The following DNAAF1 variants were observed in gnomAD, a reference collection of about 807,000 sequenced individuals.
DNAAF1 encodes dynein assembly factor 1, axonemal.
Under a neutral mutation model 71.1 loss-of-function variants are expected in DNAAF1, and 65 were observed. That is an observed-to-expected ratio of 0.91 (90% CI 0.75 to 1.12). The LOEUF (loss-of-function observed/expected upper bound fraction) is 1.12, where lower values mean the gene tolerates loss of function less well. DNAAF1 is among the 50% of genes most tolerant of loss of function. The pLI, the probability that DNAAF1 is intolerant of heterozygous loss-of-function variation, is 0.00. For missense variants in DNAAF1, 1,178 were observed against 899.8 expected (o/e 1.31, Z -3.96); for synonymous variants, 414 against 354.6 (o/e 1.17, Z -1.88).
chr16:84,173,066 C>T (rs896159753), intron 9 of DNAAF1: 2 of 988,246 alleles, frequency 2.0e-6, no homozygotes, highest in African/African-American at 3.5e-5. Flanking sequence ...TACCTCTGAC[C>T]TTATACCTTG....
intron 6 of DNAAF1, among the ~76,000 whole-genome samples, 197 bp downstream of exon 6, chr16:84,159,993 T>C (rs141259145): frequency 1.6e-3 from 246 of 152,320 alleles, no homozygotes; most frequent in East Asian, 3.7e-3. Flanking sequence ...ATTCCTTTGA[T>C]AAATATCTTT....
intron 11 of DNAAF1, 106 bp downstream of exon 11, chr16:84,176,405 T>C (rs113237545): frequency 6.5e-7 from 1 of 1,543,820 alleles, no homozygotes; most frequent in Admixed American, 1.7e-5. Flanking sequence ...TTCATGTTGC[T>C]GGAGGGGTCA....
rs1427699337 is a variant in DNAAF1 at position 84,145,332 on chromosome 16, G to A, written c.-109G>A. The A allele has an allele frequency of 6.6e-7, 1 of 1,519,010 alleles. No individual in the cohort carries two copies. Among genetic ancestry groups the A allele is most frequent in the African/African-American group, 1.4e-5 (1 of 72,428 alleles). The allele number at this position is 1,519,010 out of a possible 1,614,324, so 94.1% of individuals were successfully genotyped here. On this transcript the variant is annotated 5_prime_UTR_variant, in exon 1 of 12. Coordinates refer to ENST00000378553, the MANE Select transcript of DNAAF1 (RefSeq NM_178452.6). ...TGTAAAGACTAGGGCGCCAGCGGCT[G>A]GCGAAGAAGGAAAGAGGGTACTCTC... is the stretch of plus-strand genomic sequence containing the variant.
intron 9 of DNAAF1, chr16:84,172,741 T>C: frequency 8.6e-7 from 1 of 1,163,546 alleles, no homozygotes; most frequent in Non-Finnish European, 1.1e-6. Context: ...TGGTGAGAGT[T>C]ACATTGTATC....
intron 11 of DNAAF1, chr16:84,177,043 C>T (rs2088730701): frequency 2.4e-5 from 4 of 168,212 alleles, no homozygotes; most frequent in African/African-American, 4.8e-5. Context: ...TGTGTGGAGC[C>T]CAGACCGTGC....
At chr16:84,166,037 A>ATTT (rs58906103) in intron 7 of DNAAF1, 88 bp downstream of exon 7, 276 of 1,085,938 alleles carry the variant, frequency 2.5e-4, no homozygotes, top group Non-Finnish European at 3.1e-4. Flanking sequence ...AATCTTGGGA[A>ATTT]TTTTTTTTTT....
At chr16:84,158,446 A>G (rs1412558021) in intron 5 of DNAAF1, among the ~76,000 whole-genome samples, 1 of 152,146 alleles carries the variant, frequency 6.6e-6, no homozygotes, top group Non-Finnish European at 1.5e-5. Flanking sequence ...TAATGGGCTC[A>G]TTTCAACTTC....
At chr16:84,148,912 T>C in intron 1 of DNAAF1, 95 bp from the exon 2 acceptor site, 9 of 1,406,928 alleles carry the variant, frequency 6.4e-6, no homozygotes, top group Non-Finnish European at 8.0e-6. Context: ...TGGTGTTCTA[T>C]ACTAAAAGTG....
At chr16:84,157,471 A>G (rs1567544883) in intron 5 of DNAAF1, among the ~76,000 whole-genome samples, 1 of 147,206 alleles carries the variant, frequency 6.8e-6, no homozygotes, top group African/African-American at 2.5e-5. Context: ...GTGAGCCGAG[A>G]TCTCACCACT....
At position 84,165,932 on chromosome 16, in the gene DNAAF1, G is replaced by A; in HGVS notation, c.1013G>A (p.Arg338Lys). The A allele has an allele frequency of 6.2e-7, 1 of 1,613,120 alleles. No individual in the cohort carries two copies. The highest frequency in any genetic ancestry group is 8.5e-7 in the Non-Finnish European group (1 of 1,179,788). The change falls in exon 7 of 12, where the codon AGA becomes AAA. Residue 338 changes from arginine (R) to lysine (K), a missense_variant. By Grantham distance (26) the Arg-to-Lys change is conservative. Transcript: ENST00000378553. Reference sequence around the variant, plus strand: ...CGGGCAGAGGAGAGGAAAAGACAGAGAGAGAGTCAAGAGAGAGGTATGCGC... The same window carrying A: ...CGGGCAGAGGAGAGGAAAAGACAGAAAGAGAGTCAAGAGAGAGGTATGCGC... The part of the protein sequence containing the change: ...KQRAEERKRQ[R>K]ESQERGEMTS...
intron 10 of DNAAF1, 139 bp from the exon 11 acceptor site, chr16:84,175,794 T>A: frequency 9.1e-7 from 1 of 1,104,240 alleles, no homozygotes; most frequent in Non-Finnish European, 1.3e-6. Flanking sequence ...CAGAGTCCTG[T>A]GTTCCCTTGG....
chr16:84,145,929 C>G (rs1409444455), intron 1 of DNAAF1, among the ~76,000 whole-genome samples: 3 of 152,022 alleles, frequency 2.0e-5, no homozygotes, highest in South Asian at 4.2e-4. Flanking sequence ...AACCCTGTCT[C>G]TACTAAAAAT....
chr16:84,159,405 G>A (rs2087595830), intron 5 of DNAAF1, among the ~76,000 whole-genome samples: 2 of 152,180 alleles, frequency 1.3e-5, no homozygotes, highest in Non-Finnish European at 2.9e-5. Context: ...CTCAGGAAAT[G>A]TTTTCCAGTA....
chr16:84,149,772 C>A (rs1299724479), intron 2 of DNAAF1, among the ~76,000 whole-genome samples: 1 of 151,264 alleles, frequency 6.6e-6, no homozygotes, highest in Non-Finnish European at 1.5e-5. Context: ...TGCCTGTAAT[C>A]CCAGTACTTT....
At chr16:84,174,248 TACAAA>T (rs2088536469) in intron 9 of DNAAF1, 1 of 1,072,828 alleles carries the variant, frequency 9.3e-7, no homozygotes, top group African/African-American at 1.7e-5. Flanking sequence ...ACACCCACAA[TACAAA>T]ACAAAAAAGT....
At chr16:84,163,882 C>T (rs1182297609) in intron 6 of DNAAF1, among the ~76,000 whole-genome samples, 1 of 143,722 alleles carries the variant, frequency 7.0e-6, no homozygotes, top group African/African-American at 2.6e-5. Flanking sequence ...TTGTGGGGGA[C>T]AGCGTTTTGC....
chr16:84,176,334 A>G, intron 11 of DNAAF1, 35 bp downstream of exon 11: 1 of 1,612,334 alleles, frequency 6.2e-7, no homozygotes, highest in Non-Finnish European at 8.5e-7. Context: ...AGTGGAGACA[A>G]TGTTGGCTCC....
rs762242692 is a variant in DNAAF1 at position 84,175,973 on chromosome 16, G to A, written c.1739G>A (p.Ser580Asn). The change falls in exon 11 of 12, where the codon AGT becomes AAT. Residue 580 changes from serine to asparagine, a missense_variant. By Grantham distance (46) the Ser-to-Asn change is conservative. Coordinates refer to ENST00000378553, the MANE Select transcript of DNAAF1 (RefSeq NM_178452.6). ...AAGATTGAGGTCATCTCGAGCTTGA[G>A]TGATGACAGTGACCCTGAACTGGAC... ...FPKIEVISSL[S>N]DDSDPELDYT... 6.2e-7 allele frequency: 1 copy of A among 1,614,206 alleles called. No homozygotes were observed. The highest frequency in any genetic ancestry group is 1.7e-5 in the Admixed American group (1 of 60,028).
Position 84,145,524 on chromosome 16 carries a change from G to A in DNAAF1, c.84G>A (p.Ala28=), listed in dbSNP as rs1470468300. 2 of 1,555,290 alleles carry A rather than the reference G, an allele frequency of 1.3e-6. No individual in the cohort carries two copies. Among genetic ancestry groups the A allele is most frequent in the Non-Finnish European group, 1.7e-6 (2 of 1,149,456 alleles). ...CAQEPGVEES[A]GDHGSAGRGG... is the part of the protein sequence containing the mutation. ...AGGAGCCCGGCGTGGAGGAGTCTGC[G>A]GGTGACCACGGGAGCGCAGGCCGAG... Residue 28 remains alanine (A), a synonymous_variant, in exon 1 of 12, where the codon GCG becomes GCA. Transcript: ENST00000378553.
Sources: gnomAD v4.1 joint callset for allele counts (sites outside exome capture counted in the v4.1 genomes callset) on GRCh38, gnomAD v4.1.1 for gene constraint, MANE v1.5 for transcripts, NCBI Gene and HGNC (gene_info 2026-07-23, HGNC 2026-07-21) for gene names.